Variants in CCDC174 observed in about 807,000 individuals in gnomAD.
The protein encoded by CCDC174 is coiled-coil domain-containing protein 174.
In CCDC174, 37 loss-of-function variants were observed where a neutral mutation model predicts 57.1. The ratio of observed to expected loss-of-function variants is 0.65; its 90% confidence interval spans 0.50 to 0.85. The LOEUF is 0.85. CCDC174 is among the 40% of genes least tolerant of loss of function. The pLI, the probability that CCDC174 is intolerant of heterozygous loss-of-function variation, is 0.00. For missense variants in CCDC174, 540 were observed against 574.3 expected (o/e 0.94, Z 0.61); for synonymous variants, 182 against 190.2 (o/e 0.96, Z 0.35).
rs2031550940 is a variant in CCDC174 at position 14,672,431 on chromosome 3, A to T, written c.*1237A>T. The T allele has an allele frequency of 6.6e-6, 1 of 152,204 alleles. No homozygotes were observed. Among genetic ancestry groups the T allele is most frequent in the Admixed American group, 6.5e-5 (1 of 15,284 alleles). 9.4% of individuals were successfully genotyped at this position (152,204 alleles called of 1,614,324 possible). A position where few individuals can be genotyped will look rare whatever the true frequency, so the allele number is the denominator to read the frequency against. Reference sequence around the variant, plus strand: ...ATGGTACCTAAGGGGCAGATCTCAGACTTAAACACAATTGATGTCTAACCC... The same window carrying T: ...ATGGTACCTAAGGGGCAGATCTCAGTCTTAAACACAATTGATGTCTAACCC... On this transcript the variant is annotated 3_prime_UTR_variant, in exon 11 of 11. Transcript: ENST00000383794.
intron 4 of CCDC174, among the ~76,000 whole-genome samples, chr3:14,659,717 A>T (rs906059389): frequency 1.3e-5 from 2 of 151,712 alleles, no homozygotes; most frequent in African/African-American, 4.8e-5. Flanking sequence ...AAAACAAAAA[A>T]CTCCCTTTTC....
chr3:14,670,945 G>C lies in CCDC174; in HGVS notation c.1155G>C (p.Glu385Asp), dbSNP rs1256363983. The C allele has an allele frequency of 6.2e-7, 1 of 1,614,104 alleles. No individual in the cohort carries two copies. Among genetic ancestry groups the C allele is most frequent in the South Asian group, 1.1e-5 (1 of 91,082 alleles). Residue 385 changes from glutamate to aspartate, a missense_variant, in exon 11 of 11, where the codon GAG (glutamate) becomes GAC (aspartate). Glu to Asp is a conservative substitution (Grantham distance 45, BLOSUM62 2). Coordinates refer to ENST00000383794, the MANE Select transcript of CCDC174 (RefSeq NM_016474.5). Reference protein sequence around the residue: ...WSKRQSDLRAERDPEFAPPSD... With the variant: ...WSKRQSDLRADRDPEFAPPSD... ...AGAGGCAGTCAGATCTCCGGGCTGA[G>C]AGAGATCCTGAGTTTGCCCCGCCGT...
chr3:14,656,711 T>C (rs1559379554), intron 3 of CCDC174, among the ~76,000 whole-genome samples: 1 of 152,250 alleles, frequency 6.6e-6, no homozygotes, highest in Non-Finnish European at 1.5e-5. Context: ...TGATTTGTTA[T>C]CATTGATGAA....
rs182136800 is a variant in CCDC174 at position 14,666,292 on chromosome 3, G to A, written c.582-513G>A. Among the ~76,000 whole-genome samples the A allele has an allele frequency of 1.1e-4, 17 of 152,224 alleles. No homozygotes were observed. In the East Asian group the frequency reaches 2.9e-3, roughly 26 times the overall value. ...GTCTTGAGTGCTCAGGCAAGATTCC[G>A]TCAGGCTAAGGTAACAAGTCTGGTG... On this transcript the variant is annotated intron_variant, in intron 6 of 10. Coordinates refer to ENST00000383794, the MANE Select transcript of CCDC174 (RefSeq NM_016474.5).
rs1235456299 is a variant in CCDC174 at position 14,658,915 on chromosome 3, A to T, written c.293A>T (p.Lys98Ile). The T allele has an allele frequency of 2.6e-6, 4 of 1,524,872 alleles. No homozygotes were observed. The highest frequency in any genetic ancestry group is 3.6e-5 in the Admixed American group (2 of 56,120). The allele number at this position is 1,524,872 out of a possible 1,614,324, so 94.5% of individuals were successfully genotyped here. A position where few individuals can be genotyped will look rare whatever the true frequency, so the allele number is the denominator to read the frequency against. The change falls in exon 4 of 11, where the codon AAA becomes ATA. Residue 98 changes from lysine (K) to isoleucine (I), a missense_variant. Coordinates refer to ENST00000383794, the MANE Select transcript of CCDC174 (RefSeq NM_016474.5). ...GCCAAATTATATGAAAAAATGACTA[A>T]AGGAGACTTTATAGGTAAATAAAAT... ...EKAKLYEKMT[K>I]GDFIDEEVED...
chr3:14,655,229 T>G (rs893770229), intron 2 of CCDC174, among the ~76,000 whole-genome samples: 4 of 152,110 alleles, frequency 2.6e-5, no homozygotes, highest in Non-Finnish European at 4.4e-5. Flanking sequence ...GAGGATCACT[T>G]GAGCCCAGGA....
chr3:14,668,647 C>T (rs2031418782), intron 9 of CCDC174, among the ~76,000 whole-genome samples: 1 of 151,574 alleles, frequency 6.6e-6, no homozygotes, highest in Admixed American at 6.6e-5. Context: ...TGATGTGGAA[C>T]TTGGAGCACG....
intron 6 of CCDC174, among the ~76,000 whole-genome samples, chr3:14,665,576 C>T (rs2031305223): frequency 6.6e-6 from 1 of 152,176 alleles, no homozygotes; most frequent in African/African-American, 2.4e-5. Flanking sequence ...TAAGACATAA[C>T]TCTAAAACGT....
chr3:14,666,823 T>G lies in CCDC174; in HGVS notation c.600T>G (p.Asn200Lys). 1 of 1,581,408 alleles carries G rather than the reference T, an allele frequency of 6.3e-7. No homozygotes were observed. Among genetic ancestry groups the G allele is most frequent in the Non-Finnish European group, 8.5e-7 (1 of 1,171,770 alleles). Residue 200 changes from asparagine (N) to lysine (K), a missense_variant, in exon 7 of 11, where the codon AAT (asparagine) becomes AAG (lysine). Transcript: ENST00000383794. ...CTGCTAGTTTTATTAGTCCTGCTAATGAAAAAACCCTATTATCTGAAGATA... is the reference window on the plus strand; with the variant it reads ...CTGCTAGTTTTATTAGTCCTGCTAAGGAAAAAACCCTATTATCTGAAGATA... ...LQGRLFISPA[N>K]EKTLLSEDMR...
chr3:14,654,038 CACT>C (rs1221303876), intron 1 of CCDC174, among the ~76,000 whole-genome samples: 1 of 152,188 alleles, frequency 6.6e-6, no homozygotes, highest in Non-Finnish European at 1.5e-5. Context: ...TACAGCATTT[CACT>C]GTAGAAATAA....
chr3:14,656,878 G>A (rs2030975778), intron 3 of CCDC174, among the ~76,000 whole-genome samples: 3 of 152,122 alleles, frequency 2.0e-5, no homozygotes, highest in Non-Finnish European at 4.4e-5. Context: ...ATGTGCTTTT[G>A]GATATATGGA....
chr3:14,652,314 A>T (rs1380316677), intron 1 of CCDC174, among the ~76,000 whole-genome samples: 1 of 152,168 alleles, frequency 6.6e-6, no homozygotes, highest in African/African-American at 2.4e-5. Context: ...TTAGAGTGTG[A>T]CATATTTCGC....
chr3:14,661,614 A>C lies in CCDC174; in HGVS notation c.392A>C (p.His131Pro). 6.2e-7 allele frequency: 1 copy of C among 1,614,196 alleles called. No individual in the cohort carries two copies. Among genetic ancestry groups the C allele is most frequent in the African/African-American group, 1.3e-5 (1 of 75,062 alleles). The part of the protein sequence containing the change: ...KRKEMEASGA[H>P]RDSQKAGERD... ...AAAGAAATGGAGGCATCTGGTGCCC[A>C]TAGAGATTCTCAAAAGGCAGGAGAA... is the stretch of plus-strand genomic sequence containing the variant. Residue 131 changes from histidine to proline, a missense_variant, in exon 5 of 11, where the codon CAT becomes CCT. Physicochemically the swap from His to Pro is moderately conservative, Grantham distance 77 (BLOSUM62 -2). Coordinates refer to ENST00000383794, the MANE Select transcript of CCDC174 (RefSeq NM_016474.5).
At chr3:14,668,666 T>A (rs1276736058) in intron 9 of CCDC174, among the ~76,000 whole-genome samples, 2 of 135,464 alleles carry the variant, frequency 1.5e-5, no homozygotes, top group African/African-American at 2.5e-5. Flanking sequence ...CGGTTCCCCT[T>A]GGAAACACTG....
At chr3:14,668,348 A>G (rs980895999) in intron 9 of CCDC174, among the ~76,000 whole-genome samples, 167 bp downstream of exon 9, 1 of 152,246 alleles carries the variant, frequency 6.6e-6, no homozygotes, top group East Asian at 1.9e-4. Context: ...AAAGTGATGC[A>G]GAATGACATT....
In CCDC174 at chr3:14,668,034, T is replaced by C; in HGVS notation, c.820-15T>C. The C allele has an allele frequency of 1.3e-6, 2 of 1,550,588 alleles. No homozygotes were observed. Among genetic ancestry groups the C allele is most frequent in the East Asian group, 2.3e-5 (1 of 43,056 alleles). On this transcript the variant is annotated splice_polypyrimidine_tract_variant and intron_variant, in intron 8 of 10. Transcript: ENST00000383794. The stretch of plus-strand genomic sequence containing the variant: ...ATTTGGCTTCAAGCAAATAATTTTC[T>C]GATTTTCTGTTCAGACAACAGATCA...
intron 7 of CCDC174, 180 bp from the exon 8 acceptor site, chr3:14,667,244 C>G: frequency 1.6e-6 from 1 of 637,100 alleles, no homozygotes; most frequent in South Asian, 2.1e-5. Context: ...AGGACGAAAA[C>G]TTGGTCTAAC....
At chr3:14,668,700 T>C (rs1260749383) in intron 9 of CCDC174, among the ~76,000 whole-genome samples, 1 of 152,184 alleles carries the variant, frequency 6.6e-6, no homozygotes, top group Non-Finnish European at 1.5e-5. Flanking sequence ...CAGACTAGCT[T>C]ATTGCATGAG....
intron 6 of CCDC174, among the ~76,000 whole-genome samples, chr3:14,665,436 G>A (rs992135753): frequency 3.9e-5 from 6 of 152,174 alleles, no homozygotes; most frequent in Non-Finnish European, 8.8e-5. Flanking sequence ...CAAGTGGTTT[G>A]AGAATATACA....
Sources: allele counts gnomAD v4.1 joint callset (sites outside exome capture counted in the v4.1 genomes callset), GRCh38; gene constraint gnomAD v4.1.1; transcripts MANE v1.5; gene names NCBI Gene and HGNC (gene_info 2026-07-23, HGNC 2026-07-21).